Variants in ANO4 observed in about 807,000 individuals in gnomAD.
The protein encoded by ANO4 is anoctamin-4.
Under a neutral mutation model 141.9 loss-of-function variants are expected in ANO4, and 69 were observed. The observed-to-expected ratio is 0.49, with a 90% CI of 0.40 to 0.59. The LOEUF (loss-of-function observed/expected upper bound fraction) is 0.59, where lower values mean the gene tolerates loss of function less well. ANO4 is among the 20% of genes least tolerant of loss of function. The probability of loss-of-function intolerance (pLI) is 0.00; values close to 1 mark genes in which losing one functional copy is unlikely to be tolerated. For missense variants in ANO4, 894 were observed against 1,162.2 expected (o/e 0.77, Z 3.36); for synonymous variants, 350 against 394.3 (o/e 0.89, Z 1.33).
Position 101,020,088 on chromosome 12 carries a change from C to T in ANO4, c.789C>T (p.Ile263=), listed in dbSNP as rs371829096. ...TFFNNATRSR[I]VHHILQRIKY... is the part of the protein sequence containing the mutation. The stretch of plus-strand genomic sequence containing the variant: ...TCAACAATGCCACAAGAAGTAGAAT[C>T]GTGCATCACATTTTACAAAGAATAA... The change falls in exon 9 of 28, where the codon ATC becomes ATT. Residue 263 remains isoleucine (I), a synonymous_variant. Transcript: ENST00000392977. 29 of 1,613,316 alleles carry T rather than the reference C, an allele frequency of 1.8e-5. No homozygotes were observed. The highest frequency in any genetic ancestry group is 1.7e-4 in the African/African-American group (13 of 74,876).
At chr12:100,900,022 C>T (rs1050514282) in intron 1 of ANO4, among the ~76,000 whole-genome samples, 2 of 152,150 alleles carry the variant, frequency 1.3e-5, no homozygotes, top group African/African-American at 4.8e-5. Flanking sequence ...GGCTACTTTT[C>T]TGAATGTTTC....
intron 1 of ANO4, among the ~76,000 whole-genome samples, chr12:100,840,587 T>C (rs2037188011): frequency 2.0e-5 from 3 of 152,262 alleles, no homozygotes; most frequent in African/African-American, 2.4e-5. Context: ...CTCCTGTTCA[T>C]ATTGAATTGT....
intron 7 of ANO4, among the ~76,000 whole-genome samples, chr12:100,979,496 C>T (rs2044353044): frequency 6.6e-6 from 1 of 152,104 alleles, no homozygotes; most frequent in Non-Finnish European, 1.5e-5. Context: ...AACCAAATTA[C>T]AGCCAGTGGT....
intron 14 of ANO4, among the ~76,000 whole-genome samples, chr12:101,052,163 A>G (rs1368593942): frequency 6.6e-6 from 1 of 152,162 alleles, no homozygotes; most frequent in Non-Finnish European, 1.5e-5. Context: ...GTTTGTAGCA[A>G]CTGGGAGGGC....
intron 5 of ANO4, among the ~76,000 whole-genome samples, chr12:100,943,093 T>A (rs2042582940): frequency 6.6e-6 from 1 of 152,180 alleles, no homozygotes; most frequent in South Asian, 2.1e-4. Flanking sequence ...TCCCCTTCCT[T>A]CCTTCTCTGC....
intron 1 of ANO4, among the ~76,000 whole-genome samples, chr12:100,849,643 CATT>C (rs1489376512): frequency 1.3e-5 from 2 of 152,216 alleles, no homozygotes; most frequent in Admixed American, 6.5e-5. Flanking sequence ...TTTACTAGTC[CATT>C]ATTGATGGAT....
intron 3 of ANO4, among the ~76,000 whole-genome samples, chr12:100,933,062 AC>A (rs1228972444): frequency 6.6e-6 from 1 of 150,606 alleles, no homozygotes; most frequent in African/African-American, 2.4e-5. Flanking sequence ...CAGATCTATT[AC>A]TTGAGTTGCA....
chr12:101,083,544 C>T (rs2049366137), intron 15 of ANO4, 134 bp from the exon 16 acceptor site: 1 of 1,110,098 alleles, frequency 9.0e-7, no homozygotes, highest in South Asian at 1.6e-5. Context: ...CCTGGGCACC[C>T]AAACCCACTT....
At chr12:101,092,901 A>G (rs1193834181) in intron 17 of ANO4, among the ~76,000 whole-genome samples, 2 of 152,214 alleles carry the variant, frequency 1.3e-5, no homozygotes, top group East Asian at 3.8e-4. Context: ...AGGTTGTCTC[A>G]TCAGTCAAAT....
At chr12:101,048,252 T>A in intron 13 of ANO4, 89 bp from the exon 14 acceptor site, 1 of 1,403,084 alleles carries the variant, frequency 7.1e-7, no homozygotes, top group Non-Finnish European at 1.0e-6. Context: ...CATTATATAA[T>A]CACAGCTATT....
rs35462149 is a variant in ANO4 at position 100,801,093 on chromosome 12, GTCTCTCTCTCTC to G, written c.-141+6087_-141+6098del. Among the ~76,000 whole-genome samples the G allele has an allele frequency of 1.2e-4, 18 of 147,260 alleles. No individual in the cohort carries two copies. In the East Asian group the frequency reaches 1.6e-3, roughly 13 times the overall value. ...GACCTTACAGACTGTTTGTCTACTTGTCTCTCTCTCTCTCTCTCTCTCTCTCTCTCTCAAACA... is the reference window on the plus strand; with the variant it reads ...GACCTTACAGACTGTTTGTCTACTTGTCTCTCTCTCTCTCTCTCTCAAACA... On this transcript the variant is annotated intron_variant, in intron 1 of 27. Transcript: ENST00000392977.
At chr12:101,078,195 T>C (rs564726706) in intron 14 of ANO4, among the ~76,000 whole-genome samples, 1 of 152,306 alleles carries the variant, frequency 6.6e-6, no homozygotes, top group Admixed American at 6.5e-5. Context: ...ATTCCTAATA[T>C]ATATTTATTG....
intron 14 of ANO4, among the ~76,000 whole-genome samples, chr12:101,069,692 T>C (rs1176367564): frequency 1.3e-5 from 2 of 152,214 alleles, no homozygotes; most frequent in Non-Finnish European, 2.9e-5. Flanking sequence ...TTTTGCCCCC[T>C]GTTACTCCCC....
rs567586272 is a variant in ANO4, at chr12:101,092,467, C to T, written c.1702-1789C>T. Among the ~76,000 whole-genome samples the T allele has an allele frequency of 1.1e-4, 16 of 152,280 alleles. No individual in the cohort carries two copies. The East Asian group carries it at 1.9e-3, about 18-fold the overall frequency. On this transcript the variant is annotated intron_variant, in intron 17 of 27. Coordinates refer to ENST00000392977, the MANE Select transcript of ANO4 (RefSeq NM_001286615.2). ...AACTTCCCGTGGTTTATCTCTCAAC[C>T]GTCTAATGAGAAATCAGACATTTTT...
At chr12:101,007,760 C>T (rs2045930637) in intron 8 of ANO4, among the ~76,000 whole-genome samples, 1 of 152,152 alleles carries the variant, frequency 6.6e-6, no homozygotes, top group South Asian at 2.1e-4. Flanking sequence ...TGCTCTGTCA[C>T]ACGGGCTGGA....
At chr12:100,928,958 A>G (rs1157926505) in intron 3 of ANO4, among the ~76,000 whole-genome samples, 2 of 152,032 alleles carry the variant, frequency 1.3e-5, no homozygotes, top group Non-Finnish European at 2.9e-5. Flanking sequence ...GATGACAATG[A>G]CATCTTTTTT....
At chr12:100,745,867 T>C (rs1445181957) in intron 3 of ANO4, among the ~76,000 whole-genome samples, 1 of 152,130 alleles carries the variant, frequency 6.6e-6, no homozygotes, top group Non-Finnish European at 1.5e-5. Flanking sequence ...AAATGTATGG[T>C]GAGTCAGCAA....
At chr12:100,978,067 T>C (rs999158487) in intron 7 of ANO4, among the ~76,000 whole-genome samples, 8 of 152,234 alleles carry the variant, frequency 5.3e-5, no homozygotes, top group African/African-American at 1.7e-4. Flanking sequence ...TCTTTTCTGC[T>C]TTTCCATTAG....
chr12:100,824,856 G>T (rs2036246871), intron 1 of ANO4, among the ~76,000 whole-genome samples: 1 of 151,980 alleles, frequency 6.6e-6, no homozygotes, highest in Non-Finnish European at 1.5e-5. Context: ...CAGTGACAAA[G>T]GAGCTATATT....
Sources: gnomAD v4.1 joint callset for allele counts (sites outside exome capture counted in the v4.1 genomes callset) on GRCh38, gnomAD v4.1.1 for gene constraint, MANE v1.5 for transcripts, NCBI Gene and HGNC (gene_info 2026-07-23, HGNC 2026-07-21) for gene names.